Variants in MARCHF6 observed in about 807,000 individuals in gnomAD.
MARCHF6 encodes membrane associated ring-CH-type finger 6.
Under a neutral mutation model 133.7 loss-of-function variants are expected in MARCHF6, and 31 were observed. That is an observed-to-expected ratio of 0.23 (90% CI 0.17 to 0.31). The LOEUF (loss-of-function observed/expected upper bound fraction) is 0.31, where lower values mean the gene tolerates loss of function less well. Among genes scored for constraint, MARCHF6 ranks in the 10% least tolerant of loss-of-function variants. The pLI is 1.00. For missense variants in MARCHF6, 723 were observed against 1,121.6 expected (o/e 0.64, Z 5.08); for synonymous variants, 395 against 402.5 (o/e 0.98, Z 0.22).
At chr5:10,376,502 G>T (rs2126687597) in intron 1 of MARCHF6, among the ~76,000 whole-genome samples, 1 of 152,368 alleles carries the variant, frequency 6.6e-6, no homozygotes, top group South Asian at 2.1e-4. Context: ...GTGAGACCAA[G>T]AACCCACTAA....
intron 4 of MARCHF6, among the ~76,000 whole-genome samples, chr5:10,386,024 C>A (rs1159738486): frequency 1.3e-5 from 2 of 150,486 alleles, no homozygotes; most frequent in East Asian, 3.9e-4. Flanking sequence ...GTTGTGCTGT[C>A]TTATTTTTTT....
intron 22 of MARCHF6, among the ~76,000 whole-genome samples, chr5:10,419,345 G>GT (rs1310949627): frequency 6.6e-6 from 1 of 152,130 alleles, no homozygotes; most frequent in Non-Finnish European, 1.5e-5. Flanking sequence ...AATAAAATAG[G>GT]TTTTGTGTTA....
chr5:10,414,783 T>C (rs1739410904), intron 20 of MARCHF6, among the ~76,000 whole-genome samples: 1 of 152,200 alleles, frequency 6.6e-6, no homozygotes, highest in African/African-American at 2.4e-5. Context: ...TGAGAAGTAA[T>C]CATATAAAGT....
Position 10,415,512 on chromosome 5 carries a change from C to G in MARCHF6, c.1991C>G (p.Ser664Trp). 1 of 1,613,050 alleles carries G rather than the reference C, an allele frequency of 6.2e-7. No homozygotes were observed. Residue 664 changes from serine to tryptophan, a missense_variant, in exon 21 of 26, where the codon TCG (serine) becomes TGG (tryptophan). This residue lies in a region of MARCHF6 where 492 missense variants were observed against 699.5 expected (regional missense o/e 0.70). Coordinates refer to ENST00000274140, the MANE Select transcript of MARCHF6 (RefSeq NM_005885.4). Reference sequence around the variant, plus strand: ...GTATTTGCTGGCCGTTGGTTAATGTCGTTTTGGACGGGGACTGCCAAAATC... The same window carrying G: ...GTATTTGCTGGCCGTTGGTTAATGTGGTTTTGGACGGGGACTGCCAAAATC... ...LPVFAGRWLM[S>W]FWTGTAKIHE...
rs768305222 is a variant in MARCHF6 at position 10,391,615 on chromosome 5, T to G, written c.650T>G (p.Val217Gly). ...GCTAACCCACCAGCTGAGAACGCAG[T>G]GGTGGGGGAAAACCCTGATGCCCAG... ...QPANPPAENA[V>G]VGENPDAQDD... Residue 217 changes from valine to glycine, a missense_variant, in exon 7 of 26, where the codon GTG becomes GGG. Val to Gly is a moderately radical substitution (Grantham distance 109). This residue lies in a region of MARCHF6 where 97 missense variants were observed against 115.4 expected (regional missense o/e 0.84). Transcript: ENST00000274140. The G allele has an allele frequency of 4.3e-6, 7 of 1,612,428 alleles. No homozygotes were observed. Among genetic ancestry groups the G allele is most frequent in the Non-Finnish European group, 5.9e-6 (7 of 1,179,428 alleles).
In MARCHF6 at chr5:10,414,476, C is replaced by T; in HGVS notation, c.1940C>T (p.Ala647Val). Residue 647 changes from alanine to valine, a missense_variant, in exon 20 of 26, where the codon GCC (alanine) becomes GTC (valine). This residue lies in a region of MARCHF6 where 492 missense variants were observed against 699.5 expected (regional missense o/e 0.70). Coordinates refer to ENST00000274140, the MANE Select transcript of MARCHF6 (RefSeq NM_005885.4). ...IVFMCITLLI[A>V]SLICLTLPVF... is the part of the protein sequence containing the mutation. ...TTCATGTGTATAACATTACTGATTG[C>T]CAGCCTCATCTGCCTTACTTTACCA... The T allele has an allele frequency of 6.2e-7, 1 of 1,613,398 alleles. No individual in the cohort carries two copies. Among genetic ancestry groups the T allele is most frequent in the Non-Finnish European group, 8.5e-7 (1 of 1,179,542 alleles).
chr5:10,425,365 G>C (rs1270853206), intron 23 of MARCHF6, among the ~76,000 whole-genome samples: 1 of 152,180 alleles, frequency 6.6e-6, no homozygotes, highest in Non-Finnish European at 1.5e-5. Context: ...TCTGGCCCTT[G>C]AAAAAGGAGC....
intron 19 of MARCHF6, among the ~76,000 whole-genome samples, chr5:10,412,826 C>T (rs150902055): frequency 1.2e-3 from 185 of 152,292 alleles, no homozygotes; most frequent in African/African-American, 4.0e-3. Flanking sequence ...CTGCCTGCCT[C>T]GGCCTCCCAA....
chr5:10,435,798 C>T lies in MARCHF6; in HGVS notation c.*2114C>T, dbSNP rs1362609540. On this transcript the variant is annotated 3_prime_UTR_variant, in exon 26 of 26. Transcript: ENST00000274140. ...GTGGCACGATCCTGGTTCACTGCAC[C>T]CTCTGCCTCCCAGGTTCAAGCGATT... The T allele has an allele frequency of 7.1e-6, 1 of 140,536 alleles. No homozygotes were observed. The highest frequency in any genetic ancestry group is 1.5e-5 in the Non-Finnish European group (1 of 65,500). The allele number at this position is 140,536 out of a possible 1,614,324, so 8.7% of individuals were successfully genotyped here.
chr5:10,407,851 G>A (rs928598556), intron 17 of MARCHF6, among the ~76,000 whole-genome samples: 3 of 152,086 alleles, frequency 2.0e-5, no homozygotes, highest in Admixed American at 2.0e-4. Context: ...AACTACTCGG[G>A]AGGCTGAGGC....
chr5:10,417,111 G>A (rs1739556131), intron 21 of MARCHF6, among the ~76,000 whole-genome samples, 159 bp from the exon 22 acceptor site: 1 of 152,230 alleles, frequency 6.6e-6, no homozygotes, highest in African/African-American at 2.4e-5. Flanking sequence ...TAAGAGACTT[G>A]AGTACCTGCA....
At chr5:10,354,303 T>G (rs981684799) in intron 1 of MARCHF6, among the ~76,000 whole-genome samples, 1 of 152,190 alleles carries the variant, frequency 6.6e-6, no homozygotes, top group African/African-American at 2.4e-5. Context: ...TTTCTTTACG[T>G]CCTTCTGCCT....
intron 10 of MARCHF6, among the ~76,000 whole-genome samples, chr5:10,399,892 A>G (rs1319835342): frequency 1.3e-5 from 2 of 152,130 alleles, no homozygotes; most frequent in Admixed American, 6.5e-5. Context: ...GCAGCATGTC[A>G]TGTTTTACAT....
intron 20 of MARCHF6, 31 bp from the exon 21 acceptor site, chr5:10,415,457 A>G (rs770266900): frequency 6.3e-7 from 1 of 1,589,652 alleles, no homozygotes; most frequent in Non-Finnish European, 8.6e-7. Flanking sequence ...ACCTAGCCAC[A>G]TGTCTCATTT....
Position 10,417,355 on chromosome 5 carries a change from C to T in MARCHF6, c.2234C>T (p.Ala745Val), listed in dbSNP as rs773958112. The T allele has an allele frequency of 5.6e-6, 9 of 1,614,132 alleles. No individual in the cohort carries two copies. The South Asian group carries it at 9.9e-5, about 18-fold the overall frequency. ...CTCCTGTTTGAGCTGGTCATTGTGG[C>T]TCCCCTGAGGGTTCCCTTGGATCAG... The part of the protein sequence containing the change: ...LGLLFELVIV[A>V]PLRVPLDQTP... Residue 745 changes from alanine (A) to valine (V), a missense_variant, in exon 22 of 26, where the codon GCT becomes GTT. Ala to Val is a moderately conservative substitution (Grantham distance 64). Transcript: ENST00000274140.
rs1181346163 is a variant in MARCHF6, at chr5:10,435,516, T to C, written c.*1832T>C. The C allele has an allele frequency of 6.7e-6, 1 of 149,422 alleles. No individual in the cohort carries two copies. The highest frequency in any genetic ancestry group is 2.5e-5 in the African/African-American group (1 of 40,622). 9.3% of individuals were successfully genotyped at this position (149,422 alleles called of 1,614,324 possible). On this transcript the variant is annotated 3_prime_UTR_variant, in exon 26 of 26. Transcript: ENST00000274140. ...GCCCTACCTTTACTCAGAAATTTAGTCCTACTATAAAAAATTAGGATTTTA... is the reference window on the plus strand; with the variant it reads ...GCCCTACCTTTACTCAGAAATTTAGCCCTACTATAAAAAATTAGGATTTTA...
At chr5:10,386,080 C>T (rs1191736987) in intron 4 of MARCHF6, among the ~76,000 whole-genome samples, 1 of 151,862 alleles carries the variant, frequency 6.6e-6, no homozygotes, top group East Asian at 1.9e-4. Flanking sequence ...GCCTGTTGCA[C>T]ATGAATCCAT....
intron 17 of MARCHF6, 149 bp from the exon 18 acceptor site, chr5:10,409,990 G>A (rs1579598587): frequency 1.2e-6 from 1 of 816,448 alleles, no homozygotes; most frequent in East Asian, 2.7e-5. Context: ...GGAGTTTGTG[G>A]GGAAAGCCTC....
At chr5:10,366,710 G>C (rs1017002495) in intron 1 of MARCHF6, among the ~76,000 whole-genome samples, 9 of 152,194 alleles carry the variant, frequency 5.9e-5, no homozygotes, top group East Asian at 1.9e-4. Context: ...GAAAGAGCAG[G>C]GGGGAGGTGA....
Sources: gnomAD v4.1 joint callset for allele counts (sites outside exome capture counted in the v4.1 genomes callset) on GRCh38, gnomAD v4.1.1 for gene constraint, gnomAD v4.1.1 regional missense constraint, MANE v1.5 for transcripts, NCBI Gene and HGNC (gene_info 2026-07-23, HGNC 2026-07-21) for gene names.